The following MECOM variants were observed in gnomAD, a reference collection of about 807,000 sequenced individuals.
The protein encoded by MECOM is histone-lysine N-methyltransferase MECOM.
A neutral mutation model predicts 116.3 loss-of-function variants in MECOM; 13 were observed. The observed-to-expected ratio is 0.11, with a 90% CI of 0.07 to 0.18. MECOM has a LOEUF of 0.18. Ranked by LOEUF, MECOM falls within the 10% of genes least tolerant of loss-of-function variation. MECOM has a pLI of 1.00. For missense variants in MECOM, 1,299 were observed against 1,509.0 expected (o/e 0.86, Z 2.31); for synonymous variants, 528 against 535.2 (o/e 0.99, Z 0.19).
intron 1 of MECOM, among the ~76,000 whole-genome samples, chr3:169,446,157 G>A (rs1018815012): frequency 6.6e-6 from 1 of 152,150 alleles, no homozygotes; most frequent in African/African-American, 2.4e-5. Context: ...TGAAATGTGA[G>A]GACATGAGAT....
intron 1 of MECOM, among the ~76,000 whole-genome samples, chr3:169,529,637 G>T (rs529506170): frequency 6.6e-6 from 1 of 152,310 alleles, no homozygotes; most frequent in Non-Finnish European, 1.5e-5. Context: ...CAGCAACGAA[G>T]AATTTGAAAA....
chr3:169,356,423 A>T (rs778564467), intron 2 of MECOM, among the ~76,000 whole-genome samples: 1 of 151,912 alleles, frequency 6.6e-6, no homozygotes, highest in Non-Finnish European at 1.5e-5. Context: ...GGATGTTTTA[A>T]CAAAATCAAC....
intron 1 of MECOM, among the ~76,000 whole-genome samples, chr3:169,470,493 C>G (rs1749038744): frequency 6.6e-6 from 1 of 152,146 alleles, no homozygotes; most frequent in Admixed American, 6.5e-5. Flanking sequence ...TCTGTTGAAG[C>G]TCACTGCTGG....
chr3:169,467,635 T>C (rs1748511168), intron 1 of MECOM, among the ~76,000 whole-genome samples: 1 of 152,214 alleles, frequency 6.6e-6, no homozygotes, highest in Non-Finnish European at 1.5e-5. Context: ...TAGCTAACAA[T>C]TGAATGCCTC....
At chr3:169,647,799 A>C (rs1474251952) in intron 1 of MECOM, among the ~76,000 whole-genome samples, 2 of 152,146 alleles carry the variant, frequency 1.3e-5, no homozygotes, top group Non-Finnish European at 2.9e-5. Flanking sequence ...AGCCAAACAG[A>C]GGTAGTTATT....
intron 2 of MECOM, among the ~76,000 whole-genome samples, chr3:169,190,039 T>C (rs1199464889): frequency 6.6e-6 from 1 of 152,030 alleles, no homozygotes; most frequent in Non-Finnish European, 1.5e-5. Context: ...AAAACATAAC[T>C]ACAGACGCAG....
chr3:169,135,190 TGGAA>T (rs893493645), intron 3 of MECOM, among the ~76,000 whole-genome samples: 1 of 151,938 alleles, frequency 6.6e-6, no homozygotes, highest in East Asian at 1.9e-4. Flanking sequence ...TGGAGAAAAA[TGGAA>T]GGGAGTCAAT....
chr3:169,165,902 A>G (rs1225040304), intron 2 of MECOM, among the ~76,000 whole-genome samples: 1 of 152,138 alleles, frequency 6.6e-6, no homozygotes, highest in African/African-American at 2.4e-5. Flanking sequence ...GCTAAGTAAA[A>G]TGTGTTTTGA....
chr3:169,504,989 C>T (rs1448463055), intron 1 of MECOM, among the ~76,000 whole-genome samples: 2 of 152,142 alleles, frequency 1.3e-5, no homozygotes, highest in Non-Finnish European at 2.9e-5. Flanking sequence ...TCCGTCACCA[C>T]CAAAAGGTAG....
intron 2 of MECOM, among the ~76,000 whole-genome samples, chr3:169,288,971 CA>C (rs1186999531): frequency 1.4e-4 from 21 of 152,118 alleles, no homozygotes; most frequent in Admixed American, 1.4e-3. Flanking sequence ...TTATGAAAGA[CA>C]AAAGGATTCC....
chr3:169,647,660 T>C (rs942117272), intron 1 of MECOM, among the ~76,000 whole-genome samples: 2 of 152,204 alleles, frequency 1.3e-5, no homozygotes, highest in African/African-American at 4.8e-5. Flanking sequence ...CCTCTTAGCA[T>C]TTTTAATATT....
chr3:169,299,408 C>A (rs1312497534), intron 2 of MECOM, among the ~76,000 whole-genome samples: 1 of 152,166 alleles, frequency 6.6e-6, no homozygotes, highest in Non-Finnish European at 1.5e-5. Context: ...CTGATTCTAC[C>A]AGGATCAAAA....
chr3:169,460,613 T>C (rs1285893190), intron 1 of MECOM, among the ~76,000 whole-genome samples: 2 of 152,200 alleles, frequency 1.3e-5, no homozygotes, highest in African/African-American at 4.8e-5. Context: ...AGTACAAGAA[T>C]ACGTTATCTG....
intron 1 of MECOM, among the ~76,000 whole-genome samples, chr3:169,645,015 T>C (rs1773989366): frequency 6.6e-6 from 1 of 152,174 alleles, no homozygotes; most frequent in Admixed American, 6.5e-5. Context: ...AGGGGCTGTT[T>C]CTGTGTCCGT....
chr3:169,526,837 C>CA (rs899658681), intron 1 of MECOM, among the ~76,000 whole-genome samples: 51 of 152,044 alleles, frequency 3.4e-4, no homozygotes, highest in Admixed American at 9.8e-4. Context: ...CTATTCATTA[C>CA]AAAGGTTTAT....
chr3:169,559,059 C>CACAA (rs1762359564), intron 1 of MECOM, among the ~76,000 whole-genome samples: 1 of 151,916 alleles, frequency 6.6e-6, no homozygotes, highest in African/African-American at 2.4e-5. Context: ...CACACACACA[C>CACAA]ACACACACAA....
chr3:169,385,993 A>G (rs1285097566), intron 1 of MECOM, among the ~76,000 whole-genome samples: 1 of 152,218 alleles, frequency 6.6e-6, no homozygotes, highest in East Asian at 1.9e-4. Context: ...GAGTGAGGAA[A>G]GAAAGACAAG....
intron 1 of MECOM, among the ~76,000 whole-genome samples, chr3:169,447,506 T>C (rs185531671): frequency 6.6e-6 from 1 of 152,278 alleles, no homozygotes; most frequent in Admixed American, 6.5e-5. Context: ...ACCTTTCTCA[T>C]TGATTCTTAT....
At chr3:169,490,951 T>C (rs1266205214) in intron 1 of MECOM, among the ~76,000 whole-genome samples, 2 of 152,090 alleles carry the variant, frequency 1.3e-5, no homozygotes, top group African/African-American at 4.8e-5. Flanking sequence ...CTGTAATTCT[T>C]GGGCTCAAGC....
Sources: allele counts gnomAD v4.1 joint callset (sites outside exome capture counted in the v4.1 genomes callset), GRCh38; gene constraint gnomAD v4.1.1; transcripts MANE v1.5; gene names NCBI Gene and HGNC (gene_info 2026-07-23, HGNC 2026-07-21).